Variants in ESRRG observed in about 807,000 individuals in gnomAD.
ESRRG encodes estrogen related receptor gamma, also known as estrogen-related receptor gamma.
A neutral mutation model predicts 44.0 loss-of-function variants in ESRRG; 13 were observed. The observed-to-expected ratio is 0.30, with a 90% CI of 0.19 to 0.47. ESRRG has a LOEUF of 0.47. Among genes scored for constraint, ESRRG ranks in the 20% least tolerant of loss-of-function variants. ESRRG has a pLI of 1.00. For synonymous variants in ESRRG, 215 were observed against 214.6 expected (o/e 1.00, Z -0.02); for missense variants, 395 against 580.6 (o/e 0.68, Z 3.29).
intron 2 of ESRRG, among the ~76,000 whole-genome samples, chr1:216,841,634 C>T (rs2095654746): frequency 6.6e-6 from 1 of 152,096 alleles, no homozygotes; most frequent in South Asian, 2.1e-4. Context: ...AAGAATAAGA[C>T]AGGTAGCTTA....
At chr1:216,582,789 C>A (rs1226811588) in intron 3 of ESRRG, among the ~76,000 whole-genome samples, 4 of 152,138 alleles carry the variant, frequency 2.6e-5, no homozygotes, top group African/African-American at 9.7e-5. Flanking sequence ...TCTCTAATTT[C>A]TTGCATTGTA....
chr1:216,776,052 G>A (rs1261440235), intron 2 of ESRRG, among the ~76,000 whole-genome samples: 1 of 151,958 alleles, frequency 6.6e-6, no homozygotes, highest in African/African-American at 2.4e-5. Context: ...AAAATGGAGA[G>A]CTCTTCTTAT....
intron 2 of ESRRG, among the ~76,000 whole-genome samples, chr1:216,749,917 G>A (rs2091840699): frequency 6.6e-6 from 1 of 152,120 alleles, no homozygotes; most frequent in Admixed American, 6.5e-5. Context: ...ATCACTAAAT[G>A]TAAATTGCAC....
rs116043559 is a variant in ESRRG at position 216,721,797 on chromosome 1, C to A, written c.56+1447G>T. Among the ~76,000 whole-genome samples the A allele has an allele frequency of 1.6e-3, 239 of 152,306 alleles. 3 individuals carry two copies. Among genetic ancestry groups the A allele is most frequent in the African/African-American group, 5.1e-3 (213 of 41,566 alleles). On this transcript the variant is annotated intron_variant, in intron 1 of 6. Coordinates refer to ENST00000408911, the MANE Select transcript of ESRRG (RefSeq NM_001438.4). ...AATTCTACAGCCCGAAGTACACTAA[C>A]CTTCAAACTACACTTGAGCGGGCAG...
intron 1 of ESRRG, among the ~76,000 whole-genome samples, chr1:217,062,231 C>T (rs1219099477): frequency 6.6e-6 from 1 of 152,082 alleles, no homozygotes; most frequent in East Asian, 1.9e-4. Flanking sequence ...GCTGGTTTTG[C>T]ATGACACTCT....
chr1:216,874,279 T>C lies in ESRRG; in HGVS notation c.-14+65303A>G, dbSNP rs986720571. Among the ~76,000 whole-genome samples, 4 of 152,184 alleles carry C rather than the reference T, an allele frequency of 2.6e-5. No individual in the cohort carries two copies. In the East Asian group the frequency reaches 5.8e-4, roughly 22 times the overall value. ...AAATTCTCACATAGTGACTCTGAAT[T>C]CTGTCCAGCTCTCATAGCTCAAATT... On this transcript the variant is annotated intron_variant, in intron 2 of 7. Coordinates refer to the ESRRG transcript ENST00000359162.
intron 2 of ESRRG, among the ~76,000 whole-genome samples, chr1:216,844,872 T>C (rs898907168): frequency 1.3e-5 from 2 of 152,102 alleles, no homozygotes; most frequent in African/African-American, 4.8e-5. Context: ...CTTTGTTTCA[T>C]TCACTACCAG....
intron 1 of ESRRG, among the ~76,000 whole-genome samples, chr1:217,041,633 T>G (rs1032019656): frequency 2.0e-4 from 31 of 152,196 alleles, no homozygotes; most frequent in African/African-American, 7.0e-4. Flanking sequence ...CCAGTATATA[T>G]GGTTTTTGTT....
chr1:216,934,822 T>G (rs1560171279), intron 2 of ESRRG, among the ~76,000 whole-genome samples: 1 of 152,018 alleles, frequency 6.6e-6, no homozygotes, highest in Admixed American at 6.5e-5. Flanking sequence ...AGAGAAAGGG[T>G]TGGGAGAGTG....
chr1:216,862,819 C>T (rs943399870), intron 2 of ESRRG: 35 of 152,080 alleles, frequency 2.3e-4, no homozygotes, highest in African/African-American at 6.3e-4. Context: ...CCGTTTATTA[C>T]GTTGATTAAG....
intron 1 of ESRRG, among the ~76,000 whole-genome samples, chr1:217,110,127 C>A (rs1050604231): frequency 2.6e-5 from 4 of 152,196 alleles, no homozygotes; most frequent in African/African-American, 9.6e-5. Flanking sequence ...CAGCCCCACC[C>A]AGGTTTGGAA....
intron 1 of ESRRG, among the ~76,000 whole-genome samples, chr1:216,949,446 C>T (rs79915769): frequency 1.9e-3 from 289 of 152,256 alleles, no homozygotes; most frequent in African/African-American, 6.7e-3. Flanking sequence ...GGCACACTAT[C>T]CACTTTGTAC....
chr1:216,693,146 C>T (rs1464817699), intron 1 of ESRRG, among the ~76,000 whole-genome samples: 3 of 152,174 alleles, frequency 2.0e-5, no homozygotes, highest in Admixed American at 6.5e-5. Flanking sequence ...AAGTACAATT[C>T]GGTTATTATT....
chr1:216,524,244 T>A (rs935250589), intron 5 of ESRRG, among the ~76,000 whole-genome samples: 7 of 126,964 alleles, frequency 5.5e-5, no homozygotes, highest in Non-Finnish European at 1.1e-4. Flanking sequence ...TATATATATA[T>A]GTAAGTTATA....
intron 1 of ESRRG, among the ~76,000 whole-genome samples, chr1:217,046,470 A>C (rs535820894): frequency 1.3e-5 from 2 of 152,200 alleles, no homozygotes; most frequent in Non-Finnish European, 2.9e-5. Context: ...AGAATCTTCT[A>C]ATTATTTAGC....
intron 2 of ESRRG, among the ~76,000 whole-genome samples, chr1:216,881,043 GA>G (rs1240490204): frequency 2.6e-5 from 4 of 151,764 alleles, no homozygotes; most frequent in Non-Finnish European, 4.4e-5. Context: ...CAACATAAAA[GA>G]AAAAAATGCA....
intron 2 of ESRRG, among the ~76,000 whole-genome samples, chr1:216,729,713 A>G (rs998348225): frequency 1.3e-5 from 2 of 152,182 alleles, no homozygotes; most frequent in African/African-American, 4.8e-5. Flanking sequence ...AAAGAAGGGG[A>G]GAGAGAAATT....
chr1:216,988,646 C>A (rs1279720737), intron 1 of ESRRG, among the ~76,000 whole-genome samples: 3 of 152,132 alleles, frequency 2.0e-5, no homozygotes, highest in South Asian at 2.1e-4. Context: ...TTAGGGGTAG[C>A]TACTTGAGCT....
At chr1:216,688,322 C>T (rs1022219473) in intron 1 of ESRRG, among the ~76,000 whole-genome samples, 3 of 152,130 alleles carry the variant, frequency 2.0e-5, no homozygotes, top group Non-Finnish European at 4.4e-5. Context: ...GATTTATACC[C>T]GTCTATCAAG....
Sources: gnomAD v4.1 joint callset for allele counts (sites outside exome capture counted in the v4.1 genomes callset) on GRCh38, gnomAD v4.1.1 for gene constraint, MANE v1.5 for transcripts, NCBI Gene and HGNC (gene_info 2026-07-23, HGNC 2026-07-21) for gene names.